The following ZNF608 variants were observed in gnomAD, a reference collection of about 807,000 sequenced individuals.
ZNF608 encodes the protein zinc finger protein 608.
In ZNF608, 12 loss-of-function variants were observed where a neutral mutation model predicts 109.0. That is an observed-to-expected ratio of 0.11 (90% CI 0.07 to 0.18). The LOEUF (loss-of-function observed/expected upper bound fraction) is 0.18. Ranked by LOEUF, ZNF608 falls within the 10% of genes least tolerant of loss-of-function variation. The pLI, the probability that ZNF608 is intolerant of heterozygous loss-of-function variation, is 1.00. For missense variants in ZNF608, 1,707 were observed against 1,879.3 expected (o/e 0.91, Z 1.70); for synonymous variants, 732 against 717.4 (o/e 1.02, Z -0.33).
At chr5:124,673,047 C>T (rs1458809344) in intron 3 of ZNF608, among the ~76,000 whole-genome samples, 1 of 152,168 alleles carries the variant, frequency 6.6e-6, no homozygotes, top group Non-Finnish European at 1.5e-5. Context: ...ACCCGAAAGA[C>T]TGGGTACATG....
chr5:124,738,196 C>A (rs1749232367), intron 2 of ZNF608, among the ~76,000 whole-genome samples: 1 of 152,180 alleles, frequency 6.6e-6, no homozygotes, highest in South Asian at 2.1e-4. Flanking sequence ...GCAGGGAGCT[C>A]ACCTGTTCTC....
chr5:124,648,012 T>C lies in ZNF608; in HGVS notation c.2372A>G (p.Lys791Arg). 2 of 1,614,204 alleles carry C rather than the reference T, an allele frequency of 1.2e-6. No individual in the cohort carries two copies. The highest frequency in any genetic ancestry group is 1.7e-6 in the Non-Finnish European group (2 of 1,180,036). ...KSPPLKPIQP[K>R]PTIMGEPITV... The stretch of plus-strand genomic sequence containing the variant: ...GATGGGCTCTCCCATAATTGTGGGC[T>C]TTGGTTGAATGGGTTTTAACGGAGG... Residue 791 changes from lysine to arginine, a missense_variant, in exon 5 of 10, where the codon AAG (lysine) becomes AGG (arginine). By Grantham distance (26) the Lys-to-Arg change is conservative (BLOSUM62 2). Coordinates refer to ENST00000513986, the MANE Select transcript of ZNF608 (RefSeq NM_020747.3).
chr5:124,665,584 A>G (rs955932836), intron 3 of ZNF608, among the ~76,000 whole-genome samples: 2 of 152,188 alleles, frequency 1.3e-5, no homozygotes, highest in South Asian at 4.1e-4. Context: ...GCTGTAAACA[A>G]TTTGGTTTTA....
At chr5:124,649,741 T>C in intron 3 of ZNF608, 44 bp from the exon 4 acceptor site, 10 of 1,215,840 alleles carry the variant, frequency 8.2e-6, no homozygotes, top group Non-Finnish European at 1.2e-5. Context: ...TTACCACTGA[T>C]TACTGTTATT....
At position 124,672,555 on chromosome 5, in the gene ZNF608, C is replaced by T. The variant is rs113401883; in HGVS notation, c.1163-22858G>A. ...GGACCTTCACTTATTTTCACTGTAA[C>T]ATAGTTTAAGATGTTTCTCAAGTAA... On this transcript the variant is annotated intron_variant, in intron 3 of 9. Transcript: ENST00000513986. Among the ~76,000 whole-genome samples the T allele has an allele frequency of 2.4e-3, 371 of 152,292 alleles. 4 individuals are homozygous for T. The highest frequency in any genetic ancestry group is 0.018 in the South Asian group (88 of 4,832).
Position 124,744,778 on chromosome 5 carries a change from C to A in ZNF608, c.212G>T (p.Ser71Ile). 6.2e-7 allele frequency: 1 copy of A among 1,614,248 alleles called. No homozygotes were observed. Among genetic ancestry groups the A allele is most frequent in the South Asian group, 1.1e-5 (1 of 91,092 alleles). Reference sequence around the variant, plus strand: ...TAAGGCTGCGGTAGCACCAGCCCCACTGGAGGCCGGACCTCCACAATCCTT... The same window carrying A: ...TAAGGCTGCGGTAGCACCAGCCCCAATGGAGGCCGGACCTCCACAATCCTT... ...NSKDCGGPAS[S>I]GAGATAALAD... Residue 71 changes from serine to isoleucine, a missense_variant, in exon 2 of 10, where the codon AGT (serine) becomes ATT (isoleucine). By Grantham distance (142) the Ser-to-Ile change is moderately radical. Around this residue, in one of 7 missense-constraint regions of ZNF608, gnomAD observed 407 missense variants for 398.7 expected, o/e 1.02. Coordinates refer to ENST00000513986, the MANE Select transcript of ZNF608 (RefSeq NM_020747.3). This position sits in a 1 kb window ranked among gnomAD's most constrained non-coding sequence, Gnocchi z 4.5.
chr5:124,668,454 A>G (rs1400414809), intron 3 of ZNF608, among the ~76,000 whole-genome samples: 1 of 151,844 alleles, frequency 6.6e-6, no homozygotes, highest in Non-Finnish European at 1.5e-5. Flanking sequence ...CACTTATTCC[A>G]TATTTGTCCT....
In ZNF608 at chr5:124,678,314, C is replaced by T. The variant is rs551549704; in HGVS notation, c.1162+22700G>A. On this transcript the variant is annotated intron_variant, in intron 3 of 9. Coordinates refer to ENST00000513986, the MANE Select transcript of ZNF608 (RefSeq NM_020747.3). ...GTACCCAAAGGCCTCCACTTTGGGACAAAAATCCCATCAAATTGTAATAGA... is the reference window on the plus strand; with the variant it reads ...GTACCCAAAGGCCTCCACTTTGGGATAAAAATCCCATCAAATTGTAATAGA... 4.6e-5 allele frequency among the ~76,000 whole-genome samples: 7 copies of T among 152,224 alleles called. No individual in the cohort carries two copies. In the East Asian group the frequency reaches 1.4e-3, roughly 29 times the overall value.
At chr5:124,643,807 G>T in intron 6 of ZNF608, 124 bp from the exon 7 acceptor site, 1 of 910,970 alleles carries the variant, frequency 1.1e-6, no homozygotes, top group Non-Finnish European at 1.6e-6. Flanking sequence ...CATTAAGAAT[G>T]GGCTACATCA....
chr5:124,728,622 T>G (rs1748739611), intron 2 of ZNF608, among the ~76,000 whole-genome samples: 1 of 152,220 alleles, frequency 6.6e-6, no homozygotes, highest in Non-Finnish European at 1.5e-5. Flanking sequence ...TTAGCCATTT[T>G]TAAATGCTGA....
chr5:124,728,009 G>A (rs983218982), intron 2 of ZNF608, among the ~76,000 whole-genome samples: 2 of 152,128 alleles, frequency 1.3e-5, no homozygotes, highest in Non-Finnish European at 2.9e-5. Flanking sequence ...AAAGTCCTGG[G>A]ATTACAGGGG....
chr5:124,732,460 G>T (rs912550626), intron 2 of ZNF608, among the ~76,000 whole-genome samples: 2 of 150,544 alleles, frequency 1.3e-5, no homozygotes, highest in Non-Finnish European at 2.9e-5. Context: ...AATAAGATTA[G>T]AAGGACAAAC....
intron 2 of ZNF608, among the ~76,000 whole-genome samples, chr5:124,702,054 G>T (rs1157711250): frequency 6.6e-6 from 1 of 152,170 alleles, no homozygotes; most frequent in African/African-American, 2.4e-5. Context: ...AGATCTTGTG[G>T]TGCAATGGCA....
At chr5:124,718,400 A>T (rs1391224466) in intron 2 of ZNF608, among the ~76,000 whole-genome samples, 1 of 152,262 alleles carries the variant, frequency 6.6e-6, no homozygotes, top group Non-Finnish European at 1.5e-5. Context: ...AGTATGCAGA[A>T]TTGTACGAAC....
chr5:124,693,319 T>C (rs1752691620), intron 3 of ZNF608, among the ~76,000 whole-genome samples: 1 of 152,238 alleles, frequency 6.6e-6, no homozygotes, highest in Admixed American at 6.5e-5. Flanking sequence ...CACTATAATA[T>C]TAAGACACTC....
Position 124,735,469 on chromosome 5 carries a change from G to A in ZNF608, c.906+8615C>T, listed in dbSNP as rs1420288876. Among the ~76,000 whole-genome samples, 9 of 152,308 alleles carry A rather than the reference G, an allele frequency of 5.9e-5. No individual in the cohort carries two copies. The South Asian group carries it at 8.3e-4, about 14-fold the overall frequency. ...CCAGGGCCCTCCATCTGCTCCCATA[G>A]CGAAAACAATAAAGGGACCTGCTGA... On this transcript the variant is annotated intron_variant, in intron 2 of 9. Coordinates refer to ENST00000513986, the MANE Select transcript of ZNF608 (RefSeq NM_020747.3).
chr5:124,709,001 G>T (rs1753377453), intron 2 of ZNF608, among the ~76,000 whole-genome samples: 1 of 151,912 alleles, frequency 6.6e-6, no homozygotes, highest in South Asian at 2.1e-4. Context: ...GAAAAACCCA[G>T]TCTCTACTAA....
chr5:124,724,010 C>T (rs1481856389), intron 2 of ZNF608, among the ~76,000 whole-genome samples: 1 of 151,848 alleles, frequency 6.6e-6, no homozygotes, highest in Admixed American at 6.6e-5. Context: ...CAGATTAAAG[C>T]CAGAAAATTA....
rs1554088384 is a variant in ZNF608 at position 124,693,978 on chromosome 5, T to TTTTTTTTTTGTTTG, written c.1162+7035_1162+7036insCAAACAAAAAAAAA. Among the ~76,000 whole-genome samples the TTTTTTTTTTGTTTG allele has an allele frequency of 2.4e-4, 20 of 84,748 alleles. 1 individual carries two copies. Among genetic ancestry groups the TTTTTTTTTTGTTTG allele is most frequent in the African/African-American group, 8.9e-4 (18 of 20,290 alleles). 55.6% of individuals were successfully genotyped at this position (84,748 alleles called of 152,430 possible). A position where few individuals can be genotyped will look rare whatever the true frequency, so the allele number is the denominator to read the frequency against. On this transcript the variant is annotated intron_variant, in intron 3 of 9. Transcript: ENST00000513986. ...AGCTGGTAACATTTCATTAATCTTT[T>TTTTTTTTTTGTTTG]TTTTTTTTTTTTTTTGAGAGAGAGT...
Sources: allele counts gnomAD v4.1 joint callset (sites outside exome capture counted in the v4.1 genomes callset), GRCh38; gene constraint gnomAD v4.1.1; regional missense constraint gnomAD v4.1.1; non-coding constraint Gnocchi (gnomAD v3.1); transcripts MANE v1.5; gene names NCBI Gene and HGNC (gene_info 2026-07-23, HGNC 2026-07-21).